Variants in UGT2A2 observed in about 807,000 individuals in gnomAD.
UGT2A2 encodes UDP glucuronosyltransferase family 2 member A2, also known as UDP-glucuronosyltransferase 2A2.
Under a neutral mutation model 50.7 loss-of-function variants are expected in UGT2A2, and 60 were observed. The observed-to-expected ratio is 1.18, with a 90% CI of 0.96 to 1.47. The LOEUF is 1.47. Among genes scored for constraint, UGT2A2 ranks in the 40% most tolerant of loss-of-function variants. UGT2A2 has a pLI of 0.00. For synonymous variants in UGT2A2, 242 were observed against 214.6 expected (o/e 1.13, Z -1.11); for missense variants, 762 against 634.0 (o/e 1.20, Z -2.17).
rs1719348838 is a variant in UGT2A2 at position 69,602,457 on chromosome 4, A to G, written c.743-3063T>C. ...ACAATTTTTAGAATAACAAAGATTT[A>G]GGAGTTTATCTATCTATCTATCTAT... On this transcript the variant is annotated intron_variant, in intron 1 of 5. Transcript: ENST00000604629. 1.9e-5 allele frequency among the ~76,000 whole-genome samples: 2 copies of G among 105,924 alleles called. 1 individual carries two copies. Among genetic ancestry groups the G allele is most frequent in the Non-Finnish European group, 3.9e-5 (2 of 51,254 alleles). 69.5% of individuals were successfully genotyped at this position (105,924 alleles called of 152,430 possible).
Position 69,594,836 on chromosome 4 carries a change from T to C in UGT2A2, c.1112-140A>G, listed in dbSNP as rs115689877. ...CTACAAAAGCAGATCACATAGGGCA[T>C]TGGAATGTCAGAAAACTGTGATCCC... On this transcript the variant is annotated intron_variant, in intron 4 of 5. Transcript: ENST00000604629. The C allele has an allele frequency of 7.3e-3, 8,090 of 1,109,124 alleles. 43 individuals carry two copies. The highest frequency in any genetic ancestry group is 9.4e-3 in the Non-Finnish European group (7,444 of 790,584). 68.7% of individuals were successfully genotyped at this position (1,109,124 alleles called of 1,614,324 possible). A position where few individuals can be genotyped will look rare whatever the true frequency, so the allele number is the denominator to read the frequency against.
chr4:69,618,699 T>C (rs1720558915), intron 1 of UGT2A2, among the ~76,000 whole-genome samples: 1 of 151,992 alleles, frequency 6.6e-6, no homozygotes, highest in Admixed American at 6.6e-5. Flanking sequence ...AAAAGTGTAA[T>C]TCTAAGTTCA....
At chr4:69,602,842 T>C (rs1394852619) in intron 1 of UGT2A2, among the ~76,000 whole-genome samples, 1 of 135,876 alleles carries the variant, frequency 7.4e-6, no homozygotes, top group African/African-American at 3.0e-5. Context: ...TAATTATGAA[T>C]CTTATTAAGG....
intron 5 of UGT2A2, among the ~76,000 whole-genome samples, chr4:69,591,474 T>C (rs1310718504): frequency 6.6e-6 from 1 of 152,116 alleles, no homozygotes; most frequent in African/African-American, 2.4e-5. Context: ...ATTGTGGAGA[T>C]CCAAGTCCTT....
At chr4:69,601,746 A>G (rs7689493) in intron 1 of UGT2A2, among the ~76,000 whole-genome samples, 23,970 of 139,834 alleles carry the variant, frequency 0.17, 4,935 homozygotes, top group Non-Finnish European at 0.21. Flanking sequence ...GCTGGTATCC[A>G]CTGATGGGAG....
At chr4:69,632,965 G>C (rs1264977512) in intron 1 of UGT2A2, among the ~76,000 whole-genome samples, 2 of 151,672 alleles carry the variant, frequency 1.3e-5, no homozygotes, top group African/African-American at 4.8e-5. Flanking sequence ...AGAGATTCTT[G>C]ATGGCTTACA....
At chr4:69,597,330 T>C (rs899371294) in intron 2 of UGT2A2, among the ~76,000 whole-genome samples, 12 of 152,194 alleles carry the variant, frequency 7.9e-5, no homozygotes, top group Non-Finnish European at 1.8e-4. Flanking sequence ...AGTGTGATGT[T>C]AGCTATGTGC....
chr4:69,609,155 A>ATT (rs10627999), intron 1 of UGT2A2, among the ~76,000 whole-genome samples: 2,749 of 142,256 alleles, frequency 0.019, 53 homozygotes, highest in South Asian at 0.071. Context: ...AATATATAAG[A>ATT]TTTTTTTTTT....
At chr4:69,615,129 G>T (rs1341260406) in intron 1 of UGT2A2, among the ~76,000 whole-genome samples, 2 of 151,994 alleles carry the variant, frequency 1.3e-5, no homozygotes, top group African/African-American at 4.8e-5. Context: ...TTCAACATGA[G>T]ATTTGGATGA....
chr4:69,628,683 GA>G (rs1207787870), intron 1 of UGT2A2, among the ~76,000 whole-genome samples: 3 of 145,042 alleles, frequency 2.1e-5, no homozygotes, highest in Non-Finnish European at 3.0e-5. Flanking sequence ...TTAAATGGGA[GA>G]AAAAAATAAA....
At chr4:69,612,694 G>T (rs530817620) in intron 1 of UGT2A2, among the ~76,000 whole-genome samples, 1 of 151,878 alleles carries the variant, frequency 6.6e-6, no homozygotes, top group African/African-American at 2.4e-5. Context: ...GAAAGAAACC[G>T]GATTGTCACA....
chr4:69,630,582 C>G (rs1721327701), intron 1 of UGT2A2, among the ~76,000 whole-genome samples: 3 of 152,018 alleles, frequency 2.0e-5, no homozygotes, highest in Admixed American at 6.6e-5. Context: ...AGAAAAGGGT[C>G]ATAAACAGGG....
chr4:69,616,375 G>A (rs192847764), intron 1 of UGT2A2, among the ~76,000 whole-genome samples: 35 of 151,952 alleles, frequency 2.3e-4, no homozygotes, highest in African/African-American at 8.0e-4. Context: ...GACTAAGAGT[G>A]GAATTGGAAT....
rs1250759201 is a variant in UGT2A2, at chr4:69,629,436, T to C, written c.742+9463A>G. On this transcript the variant is annotated intron_variant, in intron 1 of 5. Coordinates refer to ENST00000604629, the MANE Select transcript of UGT2A2 (RefSeq NM_001105677.2). ...ACAGTGCCTAATAAGAGTGTTTTTG[T>C]ATATCTGAGGTCTTGGTCCACATTA... 2.0e-5 allele frequency among the ~76,000 whole-genome samples: 3 copies of C among 152,116 alleles called. No individual in the cohort carries two copies. In the East Asian group the frequency reaches 5.8e-4, roughly 29 times the overall value.
At chr4:69,632,335 AT>A (rs1322156584) in intron 1 of UGT2A2, among the ~76,000 whole-genome samples, 1 of 151,876 alleles carries the variant, frequency 6.6e-6, no homozygotes, top group Non-Finnish European at 1.5e-5. Context: ...GATAAGGTAA[AT>A]TTTTTTTCCA....
intron 1 of UGT2A2, among the ~76,000 whole-genome samples, chr4:69,627,049 A>G (rs1721101125): frequency 6.6e-6 from 1 of 151,874 alleles, no homozygotes. Flanking sequence ...CTCAAGATGT[A>G]TATTATAGGT....
At chr4:69,625,933 C>G (rs1721029643) in intron 1 of UGT2A2, among the ~76,000 whole-genome samples, 1 of 151,528 alleles carries the variant, frequency 6.6e-6, no homozygotes, top group Non-Finnish European at 1.5e-5. Context: ...AATTGCAACA[C>G]AAACTATCAT....
At chr4:69,608,220 C>G in intron 1 of UGT2A2, among the ~76,000 whole-genome samples, 1 of 152,068 alleles carries the variant, frequency 6.6e-6, no homozygotes, top group Admixed American at 6.6e-5. Flanking sequence ...CACGTATACA[C>G]CATGGAATAC....
At chr4:69,622,699 T>G (rs1242710721) in intron 1 of UGT2A2, among the ~76,000 whole-genome samples, 1 of 151,758 alleles carries the variant, frequency 6.6e-6, no homozygotes, top group Non-Finnish European at 1.5e-5. Context: ...TGAACTTCAA[T>G]TCTATACTTG....
Sources: gnomAD v4.1 joint callset for allele counts (sites outside exome capture counted in the v4.1 genomes callset) on GRCh38, gnomAD v4.1.1 for gene constraint, MANE v1.5 for transcripts, NCBI Gene and HGNC (gene_info 2026-07-23, HGNC 2026-07-21) for gene names.